Variants in PCDHGA10 observed in about 807,000 individuals in gnomAD.
PCDHGA10 encodes protocadherin gamma-A10.
PCDHGA10 carries 42 observed loss-of-function variants against 59.5 expected under a neutral mutation model. The ratio of observed to expected loss-of-function variants is 0.71; its 90% CI spans 0.55 to 0.91. The LOEUF is 0.91. Among genes scored for constraint, PCDHGA10 ranks in the 40% least tolerant of loss-of-function variants. The probability of loss-of-function intolerance (pLI) is 0.00; values close to 1 mark genes in which losing one functional copy is unlikely to be tolerated. For synonymous variants in PCDHGA10, 511 were observed against 517.2 expected (o/e 0.99, Z 0.16); for missense variants, 1,111 against 1,198.2 (o/e 0.93, Z 1.07).
intron 2 of PCDHGA10, among the ~76,000 whole-genome samples, chr5:141,498,191 A>G (rs2099782212): frequency 6.6e-6 from 1 of 152,270 alleles, no homozygotes; most frequent in African/African-American, 2.4e-5. Flanking sequence ...CAAATTAACC[A>G]GCTAAAGAAA....
At position 141,476,503 on chromosome 5, in the gene PCDHGA10, C is replaced by T. The variant is rs1259213742; in HGVS notation, c.2437-18304C>T. 2 of 1,614,138 alleles carry T rather than the reference C, an allele frequency of 1.2e-6. No individual in the cohort carries two copies. ...TGGAAGTGGTGATCCAGGACATCAA[C>T]GACAACAATCCTGCTTTCCCTACCC... On this transcript the variant is annotated intron_variant, in intron 1 of 3. Transcript: ENST00000398610. The surrounding 1 kb of genome is among the most constrained non-coding windows in gnomAD (Gnocchi z 7.6).
chr5:141,511,823 G>A lies in PCDHGA10; in HGVS notation c.*650G>A, dbSNP rs1490513046. On this transcript the variant is annotated 3_prime_UTR_variant, in exon 4 of 4. Transcript: ENST00000398610. ...TTTTGCTACCAAGCCTCTTCCCAACGCCCTGGGGACCAGTCTTCTGTTTTG... is the reference window on the plus strand; with the variant it reads ...TTTTGCTACCAAGCCTCTTCCCAACACCCTGGGGACCAGTCTTCTGTTTTG... 4 of 156,728 alleles carry A rather than the reference G, an allele frequency of 2.6e-5. No homozygotes were observed. The highest frequency in any genetic ancestry group is 3.2e-3 in the Middle Eastern group (1 of 316). 9.7% of individuals were successfully genotyped at this position (156,728 alleles called of 1,614,324 possible). A position where few individuals can be genotyped will look rare whatever the true frequency, so the allele number is the denominator to read the frequency against.
At chr5:141,460,453 A>T (rs1487816393) in intron 1 of PCDHGA10, among the ~76,000 whole-genome samples, 3 of 152,152 alleles carry the variant, frequency 2.0e-5, no homozygotes, top group Non-Finnish European at 4.4e-5. Flanking sequence ...ATGAAGATTC[A>T]TATTTTTTTC....
rs1026815375 is a variant in PCDHGA10, at chr5:141,481,045, G to A, written c.2437-13762G>A. 4.6e-5 allele frequency among the ~76,000 whole-genome samples: 7 copies of A among 152,024 alleles called. No individual in the cohort carries two copies. In the South Asian group the frequency reaches 8.3e-4, roughly 18 times the overall value. ...TGCACTCCAGCCTGGGCGACAGAGCGAGACTCCACCTCAAAAACAAAAAGA... is the reference window on the plus strand; with the variant it reads ...TGCACTCCAGCCTGGGCGACAGAGCAAGACTCCACCTCAAAAACAAAAAGA... On this transcript the variant is annotated intron_variant, in intron 1 of 3. Coordinates refer to ENST00000398610, the MANE Select transcript of PCDHGA10 (RefSeq NM_018913.3).
At chr5:141,453,475 A>C (rs2098766452) in intron 1 of PCDHGA10, among the ~76,000 whole-genome samples, 1 of 151,996 alleles carries the variant, frequency 6.6e-6, no homozygotes, top group Non-Finnish European at 1.5e-5. Context: ...ATAAAGTCAA[A>C]ACTATTAAAA....
At chr5:141,421,088 C>A in intron 1 of PCDHGA10, 2 of 659,434 alleles carry the variant, frequency 3.0e-6, no homozygotes, top group South Asian at 4.0e-5. Flanking sequence ...CTCACAGATC[C>A]TGACACTGGA....
At position 141,485,677 on chromosome 5, in the gene PCDHGA10, C is replaced by T. The variant is rs757797282; in HGVS notation, c.2437-9130C>T. ...CAGATGTGGGGAGCAATTCGATTAG[C>T]AGCTATAGGCTGAGCTCCAATGAAC... On this transcript the variant is annotated intron_variant, in intron 1 of 3. Transcript: ENST00000398610. This position sits in a 1 kb window ranked among gnomAD's most constrained non-coding sequence, Gnocchi z 5.7. 2.4e-5 allele frequency: 38 copies of T among 1,612,714 alleles called. No individual in the cohort carries two copies. In the East Asian group the frequency reaches 7.8e-4, roughly 33 times the overall value.
Position 141,485,486 on chromosome 5 carries a change from C to A in PCDHGA10, c.2437-9321C>A. On this transcript the variant is annotated intron_variant, in intron 1 of 3. Transcript: ENST00000398610. This position sits in a 1 kb window ranked among gnomAD's most constrained non-coding sequence, Gnocchi z 5.7. Reference sequence around the variant, plus strand: ...TGGGCTCAGTGCCAGCTGCATCGTGCCCCTGGAGTTTGTCACCGAAGGTCC... The same window carrying A: ...TGGGCTCAGTGCCAGCTGCATCGTGACCCTGGAGTTTGTCACCGAAGGTCC... 6.2e-7 allele frequency: 1 copy of A among 1,614,104 alleles called. No individual in the cohort carries two copies.
Position 141,432,846 on chromosome 5 carries a change from C to T in PCDHGA10, c.2436+17235C>T, listed in dbSNP as rs1312403897. ...GACCTCACTCTGTACCTGGTGGTAGCGGTGGCCGCGGTCTCCTGCGTCTTC... is the reference window on the plus strand; with the variant it reads ...GACCTCACTCTGTACCTGGTGGTAGTGGTGGCCGCGGTCTCCTGCGTCTTC... On this transcript the variant is annotated intron_variant, in intron 1 of 3. Transcript: ENST00000398610. The surrounding 1 kb of genome is among the most constrained non-coding windows in gnomAD (Gnocchi z 6.0). 2.5e-6 allele frequency: 4 copies of T among 1,614,192 alleles called. No homozygotes were observed. The African/African-American group carries it at 5.3e-5, about 22-fold the overall frequency.
chr5:141,429,389 A>ATTT (rs1561841246), intron 1 of PCDHGA10, among the ~76,000 whole-genome samples: 155 of 147,652 alleles, frequency 1.0e-3, no homozygotes, highest in African/African-American at 3.7e-3. Flanking sequence ...TTTTTTTTTA[A>ATTT]AAAAAATTGA....
At position 141,487,571 on chromosome 5, in the gene PCDHGA10, G is replaced by A; in HGVS notation, c.2437-7236G>A. The A allele has an allele frequency of 4.3e-6, 7 of 1,614,178 alleles. No individual in the cohort carries two copies. The highest frequency in any genetic ancestry group is 5.9e-6 in the Non-Finnish European group (7 of 1,180,038). On this transcript the variant is annotated intron_variant, in intron 1 of 3. Coordinates refer to ENST00000398610, the MANE Select transcript of PCDHGA10 (RefSeq NM_018913.3). This position sits in a 1 kb window ranked among gnomAD's most constrained non-coding sequence, Gnocchi z 5.0. ...CAGTGCACCTATGGCAGGGGAGCCTGTTCGCCCAAGCTGCCCACCCTCTGA... is the reference window on the plus strand; with the variant it reads ...CAGTGCACCTATGGCAGGGGAGCCTATTCGCCCAAGCTGCCCACCCTCTGA...
At chr5:141,499,620 G>A (rs557854340) in intron 2 of PCDHGA10, among the ~76,000 whole-genome samples, 1 of 150,986 alleles carries the variant, frequency 6.6e-6, no homozygotes, top group Non-Finnish European at 1.5e-5. Context: ...TCCTGTCCTT[G>A]GATTCTTTTG....
Position 141,486,000 on chromosome 5 carries a change from A to G in PCDHGA10, c.2437-8807A>G. 1 of 1,614,194 alleles carries G rather than the reference A, an allele frequency of 6.2e-7. No individual in the cohort carries two copies. Among genetic ancestry groups the G allele is most frequent in the Non-Finnish European group, 8.5e-7 (1 of 1,180,034 alleles). On this transcript the variant is annotated intron_variant, in intron 1 of 3. Transcript: ENST00000398610. The surrounding 1 kb of genome is among the most constrained non-coding windows in gnomAD (Gnocchi z 5.7). ...GACCCGGACCTGGGTCCCAGTGGTA[A>G]CGTCACCTTTTATTTCAGTGGTCAT...
chr5:141,460,467 AG>A (rs1303418429), intron 1 of PCDHGA10, among the ~76,000 whole-genome samples: 1 of 152,114 alleles, frequency 6.6e-6, no homozygotes, highest in African/African-American at 2.4e-5. Flanking sequence ...TTTTTTCCAA[AG>A]GAATATCCAA....
chr5:141,465,454 T>A (rs1031876441), intron 1 of PCDHGA10, among the ~76,000 whole-genome samples: 1 of 152,184 alleles, frequency 6.6e-6, no homozygotes, highest in Non-Finnish European at 1.5e-5. Flanking sequence ...AAGAAAACTC[T>A]CACCAAATTG....
At chr5:141,428,136 G>A in intron 1 of PCDHGA10, 2 of 1,600,778 alleles carry the variant, frequency 1.2e-6, no homozygotes, top group South Asian at 1.1e-5. Flanking sequence ...TTTCAGCCTG[G>A]GGCTGCACAC....
rs2099693161 is a variant in PCDHGA10, at chr5:141,489,871, G to T, written c.2437-4936G>T. ...TGAAGCCCAGGCAAGACATCAGCTG[G>T]TGCTTACTGCTGTGGATGGGGGGAC... On this transcript the variant is annotated intron_variant, in intron 1 of 3. Coordinates refer to ENST00000398610, the MANE Select transcript of PCDHGA10 (RefSeq NM_018913.3). This position sits in a 1 kb window ranked among gnomAD's most constrained non-coding sequence, Gnocchi z 4.5. The T allele has an allele frequency of 6.2e-7, 1 of 1,614,088 alleles. No homozygotes were observed. Among genetic ancestry groups the T allele is most frequent in the Non-Finnish European group, 8.5e-7 (1 of 1,180,022 alleles).
chr5:141,415,504 C>G lies in PCDHGA10; in HGVS notation c.2329C>G (p.Pro777Ala), dbSNP rs1444248720. The change falls in exon 1 of 4, where the codon CCC (proline) becomes GCC (alanine). Residue 777 changes from proline (P) to alanine (A), a missense_variant. Coordinates refer to ENST00000398610, the MANE Select transcript of PCDHGA10 (RefSeq NM_018913.3). ...AAAGAGTCACCTGATCTTCCCCCAGCCCAATTATGCGGACACGCTCATCAG... is the reference window on the plus strand; with the variant it reads ...AAAGAGTCACCTGATCTTCCCCCAGGCCAATTATGCGGACACGCTCATCAG... Reference protein sequence around the residue: ...SRKSHLIFPQPNYADTLISQE... With the variant: ...SRKSHLIFPQANYADTLISQE... The G allele has an allele frequency of 1.2e-6, 2 of 1,614,216 alleles. No homozygotes were observed. Among genetic ancestry groups the G allele is most frequent in the South Asian group, 2.2e-5 (2 of 91,090 alleles).
Position 141,413,606 on chromosome 5 carries a change from T to C in PCDHGA10, c.431T>C (p.Val144Ala), listed in dbSNP as rs756987695. Reference protein sequence around the residue: ...APKFQAENLDVKINENVAAGM... With the variant: ...APKFQAENLDAKINENVAAGM... ...AAATTCCAAGCAGAAAATCTAGACGTAAAAATTAATGAAAATGTCGCTGCG... is the reference window on the plus strand; with the variant it reads ...AAATTCCAAGCAGAAAATCTAGACGCAAAAATTAATGAAAATGTCGCTGCG... The change falls in exon 1 of 4, where the codon GTA becomes GCA. Residue 144 changes from valine to alanine, a missense_variant. Val to Ala is a moderately conservative substitution (Grantham distance 64). Coordinates refer to ENST00000398610, the MANE Select transcript of PCDHGA10 (RefSeq NM_018913.3). 6.2e-7 allele frequency: 1 copy of C among 1,613,848 alleles called. No homozygotes were observed. Among genetic ancestry groups the C allele is most frequent in the Admixed American group, 1.7e-5 (1 of 60,030 alleles).
Sources: allele counts gnomAD v4.1 joint callset (sites outside exome capture counted in the v4.1 genomes callset), GRCh38; gene constraint gnomAD v4.1.1; non-coding constraint Gnocchi (gnomAD v3.1); transcripts MANE v1.5; gene names NCBI Gene and HGNC (gene_info 2026-07-23, HGNC 2026-07-21).